GRIN2A: variants seen among roughly 807,000 people sequenced by gnomAD.
GRIN2A encodes the protein glutamate ionotropic receptor NMDA type subunit 2A.
In GRIN2A, 22 loss-of-function variants were observed where a neutral mutation model predicts 113.4. That is an observed-to-expected ratio of 0.19 (90% CI 0.14 to 0.28). The LOEUF (loss-of-function observed/expected upper bound fraction) is 0.28. GRIN2A is among the 10% of genes least tolerant of loss of function. GRIN2A has a pLI of 1.00. For missense variants in GRIN2A, 1,502 were observed against 1,887.0 expected (o/e 0.80, Z 3.78); for synonymous variants, 827 against 738.4 (o/e 1.12, Z -1.94).
intron 3 of GRIN2A, among the ~76,000 whole-genome samples, chr16:9,913,491 T>A (rs181631033): frequency 6.6e-6 from 1 of 152,224 alleles, no homozygotes; most frequent in Non-Finnish European, 1.5e-5. Context: ...AGTTTCTTTA[T>A]GTTTCCCCTC....
intron 2 of GRIN2A, among the ~76,000 whole-genome samples, chr16:9,983,021 A>G (rs1249191527): frequency 2.0e-5 from 3 of 152,220 alleles, no homozygotes; most frequent in African/African-American, 7.2e-5. Context: ...TTTATGGGGT[A>G]CGGTGTGATA....
chr16:10,103,255 G>GCCT (rs1207827895), intron 2 of GRIN2A, among the ~76,000 whole-genome samples: 2 of 152,154 alleles, frequency 1.3e-5, no homozygotes, highest in Non-Finnish European at 2.9e-5. Flanking sequence ...AAACAGCTAA[G>GCCT]CTGATGTATC....
chr16:10,074,374 G>C (rs1169988179), intron 2 of GRIN2A, among the ~76,000 whole-genome samples: 1 of 152,144 alleles, frequency 6.6e-6, no homozygotes, highest in African/African-American at 2.4e-5. Context: ...TCCATTTCTA[G>C]GTATGTATAT....
At chr16:9,832,257 G>T (rs767293531) in intron 8 of GRIN2A, among the ~76,000 whole-genome samples, 1 of 151,934 alleles carries the variant, frequency 6.6e-6, no homozygotes, top group Non-Finnish European at 1.5e-5. Flanking sequence ...CACCCCCTCA[G>T]CCTTTTTCTG....
chr16:10,142,412 A>C (rs899087536), intron 2 of GRIN2A, among the ~76,000 whole-genome samples: 3 of 152,188 alleles, frequency 2.0e-5, no homozygotes, highest in Non-Finnish European at 4.4e-5. Flanking sequence ...AACCAACGAA[A>C]GTGACCAGGC....
chr16:9,829,322 G>C (rs11642764), intron 9 of GRIN2A, 101 bp downstream of exon 9: 4 of 750,334 alleles, frequency 5.3e-6, no homozygotes, highest in Non-Finnish European at 9.4e-6. Flanking sequence ...TTGTGCATTC[G>C]AGTTGATGGA....
At chr16:10,178,856 T>C (rs1376107666) in intron 2 of GRIN2A, among the ~76,000 whole-genome samples, 3 of 152,194 alleles carry the variant, frequency 2.0e-5, no homozygotes, top group Non-Finnish European at 2.9e-5. Flanking sequence ...GAATATCTCC[T>C]GCCATCTAAG....
intron 7 of GRIN2A, 32 bp from the exon 8 acceptor site, chr16:9,834,262 T>G: frequency 6.2e-7 from 1 of 1,612,672 alleles, no homozygotes; most frequent in Non-Finnish European, 8.5e-7. Context: ...AATGGAAACG[T>G]GGTTAGTTAT....
intron 2 of GRIN2A, among the ~76,000 whole-genome samples, chr16:10,140,808 A>G (rs1168386931): frequency 6.6e-6 from 1 of 152,178 alleles, no homozygotes; most frequent in African/African-American, 2.4e-5. Context: ...TGTTTCCCCT[A>G]AGTCACTTAA....
chr16:9,895,596 G>A (rs1356143902), intron 3 of GRIN2A, among the ~76,000 whole-genome samples: 8 of 152,156 alleles, frequency 5.3e-5, no homozygotes, highest in African/African-American at 1.7e-4. Context: ...TAGAGACGAC[G>A]GTCAAAGAAA....
At chr16:9,994,281 G>C (rs1014766887) in intron 2 of GRIN2A, among the ~76,000 whole-genome samples, 1 of 152,196 alleles carries the variant, frequency 6.6e-6, no homozygotes, top group Non-Finnish European at 1.5e-5. Flanking sequence ...GTTTCTTTCA[G>C]CTATTTCAAG....
At chr16:10,066,623 C>G (rs936714686) in intron 2 of GRIN2A, among the ~76,000 whole-genome samples, 5 of 152,148 alleles carry the variant, frequency 3.3e-5, no homozygotes, top group African/African-American at 1.2e-4. Context: ...TGTTTCCACC[C>G]AGGATCTATC....
chr16:10,148,192 T>A (rs530505286), intron 2 of GRIN2A, among the ~76,000 whole-genome samples: 4 of 152,166 alleles, frequency 2.6e-5, no homozygotes, highest in Non-Finnish European at 5.9e-5. Context: ...TTTTTGTACA[T>A]AGAGTTTCAT....
At chr16:9,802,682 C>T (rs1903436368) in intron 10 of GRIN2A, among the ~76,000 whole-genome samples, 1 of 152,092 alleles carries the variant, frequency 6.6e-6, no homozygotes, top group African/African-American at 2.4e-5. Context: ...GGTGATATTT[C>T]CAGACTTTAT....
At chr16:10,080,450 G>A (rs891241433) in intron 2 of GRIN2A, among the ~76,000 whole-genome samples, 5 of 152,122 alleles carry the variant, frequency 3.3e-5, no homozygotes, top group African/African-American at 1.2e-4. Context: ...TCTGCACCCC[G>A]TTACCTAAGC....
intron 4 of GRIN2A, among the ~76,000 whole-genome samples, chr16:9,863,527 A>T (rs900539311): frequency 2.0e-5 from 3 of 152,224 alleles, no homozygotes; most frequent in African/African-American, 7.2e-5. Flanking sequence ...TGCAGGCTTG[A>T]TGTTGAATTC....
At chr16:9,992,260 G>A (rs2046131029) in intron 2 of GRIN2A, among the ~76,000 whole-genome samples, 1 of 152,104 alleles carries the variant, frequency 6.6e-6, no homozygotes, top group Non-Finnish European at 1.5e-5. Context: ...TTAATAAGAA[G>A]CCTTCTCAGA....
chr16:9,904,015 G>A (rs2043983461), intron 3 of GRIN2A, among the ~76,000 whole-genome samples: 1 of 152,242 alleles, frequency 6.6e-6, no homozygotes, highest in African/African-American at 2.4e-5. Context: ...GTTGCAGAGA[G>A]AGTGGATTTA....
chr16:10,135,735 T>C (rs540443625), intron 2 of GRIN2A, among the ~76,000 whole-genome samples: 1 of 152,292 alleles, frequency 6.6e-6, no homozygotes, highest in African/African-American at 2.4e-5. Context: ...CCTTCTCTCC[T>C]CAGGTGGAAT....
Sources: gnomAD v4.1 joint callset for allele counts (sites outside exome capture counted in the v4.1 genomes callset) on GRCh38, gnomAD v4.1.1 for gene constraint, MANE v1.5 for transcripts, NCBI Gene and HGNC (gene_info 2026-07-23, HGNC 2026-07-21) for gene names.